SASH1: variants seen among roughly 807,000 people sequenced by gnomAD.
SASH1 encodes the protein SAM and SH3 domain containing 1, also known as SAM and SH3 domain-containing protein 1.
Under a neutral mutation model 125.2 loss-of-function variants are expected in SASH1, and 44 were observed. That is an observed-to-expected ratio of 0.35 (90% CI 0.28 to 0.45). SASH1 has a LOEUF of 0.45. SASH1 is among the 20% of genes least tolerant of loss of function. SASH1 has a pLI of 1.00. For missense variants in SASH1, 1,426 were observed against 1,614.5 expected, an observed-to-expected ratio of 0.88 and a Z score of 2.00; for synonymous variants, 639 against 649.1, an observed-to-expected ratio of 0.98 and a Z score of 0.24.
chr6:148,453,120 G>A (rs755624937), intron 4 of SASH1, among the ~76,000 whole-genome samples: 15 of 152,168 alleles, frequency 9.9e-5, no homozygotes, highest in Non-Finnish European at 1.5e-4. Flanking sequence ...TCTGTCTGGC[G>A]AGTGAGCCAC....
At chr6:148,307,183 A>G (rs950261015) in intron 1 of SASH1, among the ~76,000 whole-genome samples, 4 of 151,124 alleles carry the variant, frequency 2.6e-5, no homozygotes, top group African/African-American at 9.8e-5. Flanking sequence ...CAGTGGCTCA[A>G]TCTTGGCTCA....
chr6:148,540,857 G>A (rs1365079721), intron 17 of SASH1, among the ~76,000 whole-genome samples: 1 of 152,066 alleles, frequency 6.6e-6, no homozygotes, highest in East Asian at 1.9e-4. Flanking sequence ...AGGTCCATAA[G>A]GAAAACAGTT....
Position 148,519,713 on chromosome 6 carries a change from C to CTGG in SASH1, c.1030_1032dup (p.Trp344dup). On this transcript the variant is annotated inframe_insertion, in exon 10 of 20. Coordinates refer to ENST00000367467, the MANE Select transcript of SASH1 (RefSeq NM_015278.5). This position sits in a 1 kb window ranked among gnomAD's most constrained non-coding sequence, Gnocchi z 4.8. ...CTCCATCCTCCAGCAGCCTGGACACCTGGGGGGCTGGCCGGAAGTTGGTCA... is the reference window on the plus strand; with the variant it reads ...CTCCATCCTCCAGCAGCCTGGACACCTGGTGGGGGGCTGGCCGGAAGTTGGTCA... The CTGG allele has an allele frequency of 6.2e-7, 1 of 1,614,144 alleles. No homozygotes were observed.
At chr6:148,324,868 G>A (rs201808725) in intron 1 of SASH1, among the ~76,000 whole-genome samples, 80 of 152,228 alleles carry the variant, frequency 5.3e-4, no homozygotes, top group East Asian at 1.2e-3. Flanking sequence ...TAACTCACCC[G>A]GAACTGGGCC....
At position 148,368,770 on chromosome 6, in the gene SASH1, G is replaced by GCACACACACACACACACACACACACACA. The variant is rs377455429; in HGVS notation, c.157-21339_157-21338insACACACACACACACACACACACACACAC. The stretch of plus-strand genomic sequence containing the variant: ...CCCCCACATGCGCGCGCACGCGCGC[G>GCACACACACACACACACACACACACACA]CACACACACACACACACACACACAC... On this transcript the variant is annotated intron_variant, in intron 1 of 19. Coordinates refer to ENST00000367467, the MANE Select transcript of SASH1 (RefSeq NM_015278.5). 7.1e-4 allele frequency among the ~76,000 whole-genome samples: 96 copies of GCACACACACACACACACACACACACACA among 135,686 alleles called. 1 individual carries two copies. The highest frequency in any genetic ancestry group is 3.7e-3 in the Middle Eastern group (1 of 268). 89.0% of individuals were successfully genotyped at this position (135,686 alleles called of 152,430 possible).
chr6:148,446,055 G>A (rs1165658244), intron 4 of SASH1, among the ~76,000 whole-genome samples: 1 of 149,550 alleles, frequency 6.7e-6, no homozygotes, highest in African/African-American at 2.4e-5. Flanking sequence ...CATTTTTAAC[G>A]GAGCACATTG....
chr6:148,265,262 C>T, the SASH1 span, among the ~76,000 whole-genome samples: 1 of 147,832 alleles, frequency 6.8e-6, no homozygotes, highest in Non-Finnish European at 1.5e-5. Flanking sequence ...GTGAGCTAAG[C>T]AGGTTCCACT....
chr6:148,463,636 A>C (rs1033552281), intron 4 of SASH1, among the ~76,000 whole-genome samples: 1 of 152,164 alleles, frequency 6.6e-6, no homozygotes, highest in African/African-American at 2.4e-5. Context: ...CGTAGTGTTC[A>C]GTCAGAGCTT....
chr6:148,501,867 C>T (rs932038203), intron 8 of SASH1, among the ~76,000 whole-genome samples: 2 of 152,166 alleles, frequency 1.3e-5, no homozygotes, highest in Non-Finnish European at 2.9e-5. Flanking sequence ...TTGTATTTTT[C>T]TCCCTTCTCC....
rs1394140807 is a variant in SASH1, at chr6:148,391,112, C to CTT, written c.285+863_285+864dup. ...AAACTAGCCCACCACTAAAGACACTCTTTTTTTTTTTTTTGAGACGGAGTT... is the reference window on the plus strand; with the variant it reads ...AAACTAGCCCACCACTAAAGACACTCTTTTTTTTTTTTTTTTGAGACGGAGTT... On this transcript the variant is annotated intron_variant, in intron 2 of 19. Transcript: ENST00000367467. Among the ~76,000 whole-genome samples, 8 of 143,470 alleles carry CTT rather than the reference C, an allele frequency of 5.6e-5. No homozygotes were observed. In the East Asian group the frequency reaches 1.2e-3, roughly 22 times the overall value. The allele number at this position is 143,470 out of a possible 152,430, so 94.1% of individuals were successfully genotyped here.
chr6:148,245,631 G>C, the SASH1 span, among the ~76,000 whole-genome samples: 26 of 152,238 alleles, frequency 1.7e-4, no homozygotes, highest in Admixed American at 3.9e-4. Flanking sequence ...TAGTGAGAAG[G>C]GGGTAGTGTT....
At chr6:148,340,621 T>A (rs866327273), upstream of SASH1, among the ~76,000 whole-genome samples, 1,789 of 152,220 alleles carry the variant, frequency 0.012, 34 homozygotes, top group African/African-American at 0.041. Flanking sequence ...AAATGACAAT[T>A]AAAAAAACCT....
In SASH1 at chr6:148,544,441, AAG is replaced by A. The variant is rs1782424408; in HGVS notation, c.2974_2975del (p.Ser992GlnfsTer6). On this transcript the variant is annotated frameshift_variant, in exon 18 of 20. Coordinates refer to ENST00000367467, the MANE Select transcript of SASH1 (RefSeq NM_015278.5). LOFTEE classifies it high-confidence loss of function. This position sits in a 1 kb window ranked among gnomAD's most constrained non-coding sequence, Gnocchi z 6.4. ...ACAGCCTCCACCTGTTCCTGCCAAA[AAG>A]AGCAGAGAACGCCTTGCTAACGGAC... The part of the protein sequence containing the change: ...PSQPPPVPAK[K>X]SRERLANGLH... 1 of 1,614,054 alleles carries A rather than the reference AAG, an allele frequency of 6.2e-7. No homozygotes were observed. Among genetic ancestry groups the A allele is most frequent in the African/African-American group, 1.3e-5 (1 of 74,922 alleles).
chr6:148,369,227 C>T (rs1168196388), intron 1 of SASH1, among the ~76,000 whole-genome samples: 1 of 152,172 alleles, frequency 6.6e-6, no homozygotes, highest in Non-Finnish European at 1.5e-5. Flanking sequence ...AGTGGCACAG[C>T]CTGCTATGAG....
rs1780641744 is a variant in SASH1, at chr6:148,519,130, T to G, written c.863-417T>G. 6.6e-6 allele frequency among the ~76,000 whole-genome samples: 1 copy of G among 152,120 alleles called. No individual in the cohort carries two copies. Among genetic ancestry groups the G allele is most frequent in the Non-Finnish European group, 1.5e-5 (1 of 68,016 alleles). ...CACATGACATTTATCACACTCCAAC[T>G]ATAAAAAGCGACCAGAGCCAACATA... On this transcript the variant is annotated intron_variant, in intron 9 of 19. Transcript: ENST00000367467. The surrounding 1 kb of genome is among the most constrained non-coding windows in gnomAD (Gnocchi z 4.8).
intron 1 of SASH1, among the ~76,000 whole-genome samples, chr6:148,387,905 ATTTTTTTTTTT>A (rs71004291): frequency 5.6e-5 from 3 of 54,020 alleles, no homozygotes; most frequent in African/African-American, 7.7e-5. Flanking sequence ...CGCCCTGCTA[ATTTTTTTTTTT>A]TTTTTTTTTT....
At chr6:148,417,340 G>A (rs1053943415) in intron 2 of SASH1, among the ~76,000 whole-genome samples, 3 of 152,044 alleles carry the variant, frequency 2.0e-5, no homozygotes, top group Non-Finnish European at 2.9e-5. Flanking sequence ...TATTCCCAGC[G>A]CTTTGGGAGG....
chr6:148,545,914 C>G (rs1333050888), intron 18 of SASH1, 101 bp from the exon 19 acceptor site: 1 of 1,196,360 alleles, frequency 8.4e-7, no homozygotes, highest in East Asian at 2.4e-5. Flanking sequence ...GCACTCCAGT[C>G]TAAGTGACAG....
chr6:148,456,594 C>G (rs1777363405), intron 4 of SASH1, among the ~76,000 whole-genome samples: 1 of 152,182 alleles, frequency 6.6e-6, no homozygotes, highest in Non-Finnish European at 1.5e-5. Flanking sequence ...GGCGCAGTGG[C>G]TCATGCCTGT....
Sources: allele counts gnomAD v4.1 joint callset (sites outside exome capture counted in the v4.1 genomes callset), GRCh38; gene constraint gnomAD v4.1.1; non-coding constraint Gnocchi (gnomAD v3.1); transcripts MANE v1.5; gene names NCBI Gene and HGNC (gene_info 2026-07-23, HGNC 2026-07-21).